Variants in STXBP5L observed in about 807,000 individuals in gnomAD.
STXBP5L encodes syntaxin binding protein 5L, also known as syntaxin-binding protein 5-like.
Under a neutral mutation model 144.5 loss-of-function variants are expected in STXBP5L, and 65 were observed. That is an observed-to-expected ratio of 0.45 (90% CI 0.37 to 0.55). STXBP5L has a LOEUF of 0.55. Ranked by LOEUF, STXBP5L falls within the 20% of genes least tolerant of loss-of-function variation. The probability of loss-of-function intolerance (pLI) is 0.00; values close to 1 mark genes in which losing one functional copy is unlikely to be tolerated. For synonymous variants in STXBP5L, 505 were observed against 469.6 expected (o/e 1.08, Z -0.97); for missense variants, 1,298 against 1,405.5 (o/e 0.92, Z 1.22).
chr3:121,299,850 A>C (rs2051815291), intron 19 of STXBP5L, among the ~76,000 whole-genome samples: 1 of 151,810 alleles, frequency 6.6e-6, no homozygotes, highest in South Asian at 2.1e-4. Flanking sequence ...TTAGCTGGGC[A>C]TGCAGCTGTG....
At chr3:120,968,124 A>C (rs771628849) in intron 3 of STXBP5L, among the ~76,000 whole-genome samples, 1 of 152,166 alleles carries the variant, frequency 6.6e-6, no homozygotes, top group Non-Finnish European at 1.5e-5. Context: ...CCATTTGGTC[A>C]AGAGTTCAGT....
At chr3:121,099,768 T>G (rs576751523) in intron 5 of STXBP5L, 1 of 152,466 alleles carries the variant, frequency 6.6e-6, no homozygotes, top group Admixed American at 6.5e-5. Context: ...TTCAAGTATT[T>G]GCAGTCCTTA....
Position 121,381,329 on chromosome 3 carries a change from C to G in STXBP5L, c.2384C>G (p.Ser795Cys). 2 of 1,592,754 alleles carry G rather than the reference C, an allele frequency of 1.3e-6. No homozygotes were observed. Among genetic ancestry groups the G allele is most frequent in the Non-Finnish European group, 8.5e-7 (1 of 1,174,430 alleles). The change falls in exon 22 of 27, where the codon TCT (serine) becomes TGT (cysteine). Residue 795 changes from serine (S) to cysteine (C), a missense_variant. Physicochemically the swap from Ser to Cys is moderately radical, Grantham distance 112. Coordinates refer to ENST00000471454, the MANE Select transcript of STXBP5L (RefSeq NM_001308330.2). ...RENSYNRSRSSSISSIDKDSK... is the reference protein window; with the variant it reads ...RENSYNRSRSCSISSIDKDSK... ...AATTCCTATAATCGTTCTAGAAGCT[C>G]TAGTATCTCCAGTATTGACAAAGAT...
At position 120,954,964 on chromosome 3, in the gene STXBP5L, C is replaced by T; in HGVS notation, c.214C>T (p.Gln72Ter). 6.2e-7 allele frequency: 1 copy of T among 1,612,292 alleles called. No homozygotes were observed. ...GACAGTTCGGCATGGTTTTCCTCAT[C>T]AGCCCACAGCATTAGCCTTTGATCC... ...CKTVRHGFPHQPTALAFDPVQ... is the reference protein window; with the variant it reads ...CKTVRHGFPH The change falls in exon 3 of 27, where the codon CAG becomes TAG. Residue 72 changes from glutamine to a stop codon, truncating the protein, a stop_gained. Transcript: ENST00000471454. LOFTEE classifies it high-confidence loss of function.
intron 2 of STXBP5L, among the ~76,000 whole-genome samples, chr3:120,911,369 G>T (rs1320360322): frequency 9.9e-5 from 15 of 152,080 alleles, no homozygotes; most frequent in Non-Finnish European, 1.6e-4. Flanking sequence ...ATATGGCATG[G>T]TAGGAAGAGC....
chr3:121,053,522 G>C (rs1431351110), intron 5 of STXBP5L, among the ~76,000 whole-genome samples: 3 of 152,200 alleles, frequency 2.0e-5, no homozygotes, highest in Non-Finnish European at 4.4e-5. Flanking sequence ...ATGGTGCTGG[G>C]AAAACTGGCT....
At chr3:121,228,188 T>A (rs1035060584) in intron 11 of STXBP5L, among the ~76,000 whole-genome samples, 2 of 152,188 alleles carry the variant, frequency 1.3e-5, no homozygotes, top group African/African-American at 2.4e-5. Context: ...GTAAAAACCT[T>A]AACCCTTGTA....
At chr3:121,378,170 G>C (rs568916608) in intron 20 of STXBP5L, among the ~76,000 whole-genome samples, 2 of 151,956 alleles carry the variant, frequency 1.3e-5, no homozygotes, top group South Asian at 2.1e-4. Flanking sequence ...GGCCTGTCGG[G>C]GGGTGGGGGG....
At chr3:121,350,846 T>C (rs2045250895) in intron 20 of STXBP5L, among the ~76,000 whole-genome samples, 1 of 152,134 alleles carries the variant, frequency 6.6e-6, no homozygotes, top group Non-Finnish European at 1.5e-5. Flanking sequence ...TTGGTTATTC[T>C]AGTAGCCATT....
chr3:121,063,603 C>G (rs1321315031), intron 5 of STXBP5L, among the ~76,000 whole-genome samples: 1 of 152,188 alleles, frequency 6.6e-6, no homozygotes, highest in East Asian at 1.9e-4. Context: ...CCGCTCCTTC[C>G]TCCAGGTGCT....
intron 5 of STXBP5L, among the ~76,000 whole-genome samples, chr3:121,083,115 C>G (rs529245406): frequency 6.6e-5 from 10 of 152,088 alleles, no homozygotes; most frequent in Non-Finnish European, 1.5e-4. Flanking sequence ...AGGAGAATTG[C>G]TTGAACCTGG....
intron 22 of STXBP5L, among the ~76,000 whole-genome samples, chr3:121,387,347 C>T (rs2046451307): frequency 1.3e-5 from 2 of 152,166 alleles, no homozygotes; most frequent in African/African-American, 4.8e-5. Context: ...TTCTCCCATT[C>T]TGTAGGTTGC....
intron 5 of STXBP5L, among the ~76,000 whole-genome samples, chr3:121,076,172 G>T (rs1337086518): frequency 2.0e-5 from 3 of 152,170 alleles, no homozygotes; most frequent in Non-Finnish European, 4.4e-5. Flanking sequence ...TGCATTGCTT[G>T]GGCATGGCCC....
chr3:121,077,056 C>G (rs998730229), intron 5 of STXBP5L, among the ~76,000 whole-genome samples: 2 of 152,188 alleles, frequency 1.3e-5, no homozygotes, highest in Non-Finnish European at 2.9e-5. Flanking sequence ...GCGTCACGCT[C>G]TATGTTGGTC....
chr3:120,966,560 A>G (rs1250930450), intron 3 of STXBP5L, among the ~76,000 whole-genome samples: 1 of 151,878 alleles, frequency 6.6e-6, no homozygotes, highest in African/African-American at 2.4e-5. Flanking sequence ...GGTCTTTTGG[A>G]GTTTGCTGGA....
chr3:121,041,428 T>A (rs1416277257), intron 3 of STXBP5L, among the ~76,000 whole-genome samples: 1 of 152,106 alleles, frequency 6.6e-6, no homozygotes, highest in African/African-American at 2.4e-5. Flanking sequence ...TGAAATGAGG[T>A]GTATCTAGAT....
intron 2 of STXBP5L, among the ~76,000 whole-genome samples, chr3:120,933,121 C>G (rs1029549996): frequency 6.6e-6 from 1 of 151,778 alleles, no homozygotes; most frequent in African/African-American, 2.4e-5. Flanking sequence ...GGGTGCAGCA[C>G]ACCAACATGG....
chr3:121,006,189 G>A (rs1299064071), intron 3 of STXBP5L, among the ~76,000 whole-genome samples: 1 of 152,144 alleles, frequency 6.6e-6, no homozygotes, highest in Non-Finnish European at 1.5e-5. Flanking sequence ...GGGAGTCTAA[G>A]TCTCTTTGTG....
rs72968026 is a variant in STXBP5L, at chr3:121,231,148, C to T, written c.1112-2468C>T. ...CTTGTTTATAATATGCACATTGTGG[C>T]CTCAAGAGTGTACGGCCATTTTGGC... On this transcript the variant is annotated intron_variant, in intron 11 of 26. Transcript: ENST00000471454. 2.5e-3 allele frequency among the ~76,000 whole-genome samples: 381 copies of T among 152,242 alleles called. 2 individuals carry two copies. Among genetic ancestry groups the T allele is most frequent in the African/African-American group, 8.6e-3 (358 of 41,534 alleles).
Sources: allele counts gnomAD v4.1 joint callset (sites outside exome capture counted in the v4.1 genomes callset), GRCh38; gene constraint gnomAD v4.1.1; transcripts MANE v1.5; gene names NCBI Gene and HGNC (gene_info 2026-07-23, HGNC 2026-07-21).